Variants in SARDH observed in about 807,000 individuals in gnomAD.
The protein encoded by SARDH is sarcosine dehydrogenase.
Under a neutral mutation model 109.1 loss-of-function variants are expected in SARDH, and 95 were observed. The observed-to-expected ratio is 0.87, with a 90% CI of 0.74 to 1.03. The LOEUF is 1.03. Ranked by LOEUF, SARDH falls within the 50% of genes least tolerant of loss-of-function variation. The pLI, the probability that SARDH is intolerant of heterozygous loss-of-function variation, is 0.00. For missense variants in SARDH, 1,267 were observed against 1,287.8 expected (o/e 0.98, Z 0.25); for synonymous variants, 572 against 534.8 (o/e 1.07, Z -0.96).
intron 13 of SARDH, among the ~76,000 whole-genome samples, chr9:133,698,009 T>TAAAAAAAAAA (rs371381068): frequency 1.0e-5 from 1 of 95,710 alleles, no homozygotes; most frequent in African/African-American, 4.0e-5. Context: ...AGGAATCCAC[T>TAAAAAAAAAA]AAAAAAAAAA....
chr9:133,733,386 A>C (rs1307743927), intron 2 of SARDH, among the ~76,000 whole-genome samples: 3 of 152,218 alleles, frequency 2.0e-5, no homozygotes, highest in African/African-American at 7.2e-5. Context: ...TGGGACATGC[A>C]CACCATAGGT....
chr9:133,732,099 G>A (rs1309812693), intron 3 of SARDH, among the ~76,000 whole-genome samples: 1 of 152,182 alleles, frequency 6.6e-6, no homozygotes, highest in Non-Finnish European at 1.5e-5. Context: ...CAGCCAGCAA[G>A]GGGCAGCGCA....
Position 133,702,927 on chromosome 9 carries a change from G to T in SARDH, c.1657C>A (p.His553Asn), listed in dbSNP as rs757405410. The T allele has an allele frequency of 1.9e-6, 3 of 1,612,128 alleles. No individual in the cohort carries two copies. The South Asian group carries it at 3.3e-5, about 18-fold the overall frequency. ...CCCCAGCTACGCACCGTGTCGTGGTGGGGCGGGAAGGCGAAGGTGTACTCG... is the reference window on the plus strand; with the variant it reads ...CCCCAGCTACGCACCGTGTCGTGGTTGGGCGGGAAGGCGAAGGTGTACTCG... ...ADEYTFAFPP[H>N]HDTIKKECLA... The change falls in exon 13 of 21, where the codon CAC (histidine) becomes AAC (asparagine). Residue 553 changes from histidine (H) to asparagine (N), a missense_variant. His to Asn is a moderately conservative substitution (Grantham distance 68). Transcript: ENST00000439388.
At position 133,712,913 on chromosome 9, in the gene SARDH, TC is replaced by T; in HGVS notation, c.1237+124del. The stretch of plus-strand genomic sequence containing the variant: ...CTCTGGGAAGCAGAAGGGGCTGGAC[TC>T]CCCAGCCTCTCCTGTCCCCACCACT... On this transcript the variant is annotated intron_variant, in intron 9 of 20. Coordinates refer to ENST00000439388, the MANE Select transcript of SARDH (RefSeq NM_001134707.2). This position sits in a 1 kb window ranked among gnomAD's most constrained non-coding sequence, Gnocchi z 4.1. 1 of 1,047,088 alleles carries T rather than the reference TC, an allele frequency of 9.6e-7. No homozygotes were observed. 64.9% of individuals were successfully genotyped at this position (1,047,088 alleles called of 1,614,324 possible).
chr9:133,679,122 C>T (rs1830609633), intron 17 of SARDH, among the ~76,000 whole-genome samples: 1 of 152,222 alleles, frequency 6.6e-6, no homozygotes, highest in Non-Finnish European at 1.5e-5. Context: ...GGGGCCCAGG[C>T]CCTTCACACT....
At position 133,692,792 on chromosome 9, in the gene SARDH, T is replaced by C. The variant is rs901772353; in HGVS notation, c.1921+1466A>G. 2.0e-5 allele frequency among the ~76,000 whole-genome samples: 3 copies of C among 152,088 alleles called. No individual in the cohort carries two copies. The highest frequency in any genetic ancestry group is 2.9e-5 in the Non-Finnish European group (2 of 68,012). On this transcript the variant is annotated intron_variant, in intron 15 of 20. Coordinates refer to ENST00000439388, the MANE Select transcript of SARDH (RefSeq NM_001134707.2). This position sits in a 1 kb window ranked among gnomAD's most constrained non-coding sequence, Gnocchi z 5.0. ...TGAGGGAACGAGCGAAGGAACGAGC[T>C]CATGGATCCATGAGGCACGAGCGCT...
At chr9:133,705,958 G>A (rs558223999) in intron 11 of SARDH, among the ~76,000 whole-genome samples, 1 of 152,276 alleles carries the variant, frequency 6.6e-6, no homozygotes, top group Non-Finnish European at 1.5e-5. Flanking sequence ...CCCTCTCCAG[G>A]AACCCATCGT....
chr9:133,727,256 T>C (rs192058672), intron 6 of SARDH, among the ~76,000 whole-genome samples: 56 of 152,312 alleles, frequency 3.7e-4, no homozygotes, highest in African/African-American at 1.1e-3. Context: ...AGGGAGGTCC[T>C]TGGGGCCACA....
rs1490430320 is a variant in SARDH, at chr9:133,666,699, G to T, written c.2631+36C>A. 2 of 1,564,014 alleles carry T rather than the reference G, an allele frequency of 1.3e-6. No individual in the cohort carries two copies. Among genetic ancestry groups the T allele is most frequent in the Non-Finnish European group, 8.7e-7 (1 of 1,154,530 alleles). ...CTGGTTTGGAGCTGGTGAGGGATCG[G>T]CATCTGCCTTAGCAGGGCCAGAGAA... On this transcript the variant is annotated intron_variant, in intron 20 of 20. Coordinates refer to ENST00000439388, the MANE Select transcript of SARDH (RefSeq NM_001134707.2). The surrounding 1 kb of genome is among the most constrained non-coding windows in gnomAD (Gnocchi z 5.2).
At chr9:133,684,971 G>A (rs1452986859) in intron 17 of SARDH, among the ~76,000 whole-genome samples, 3 of 152,220 alleles carry the variant, frequency 2.0e-5, no homozygotes, top group African/African-American at 4.8e-5. Flanking sequence ...GCACCGAGGA[G>A]GGATGGAAGA....
downstream of SARDH, among the ~76,000 whole-genome samples, chr9:133,659,654 T>C (rs1302657121): frequency 6.6e-6 from 1 of 152,198 alleles, no homozygotes; most frequent in African/African-American, 2.4e-5. Flanking sequence ...CGGCTGCTGC[T>C]TCTGCAAGGC....
At chr9:133,688,528 C>T (rs1345443685) in intron 16 of SARDH, among the ~76,000 whole-genome samples, 1 of 152,126 alleles carries the variant, frequency 6.6e-6, no homozygotes, top group East Asian at 1.9e-4. Context: ...CCCGCTGACC[C>T]AACAGCAGAG....
At chr9:133,663,339 G>T (rs1829946922), downstream of SARDH, among the ~76,000 whole-genome samples, 1 of 152,250 alleles carries the variant, frequency 6.6e-6, no homozygotes, top group African/African-American at 2.4e-5. Flanking sequence ...AAGGTAAGAA[G>T]AGCTTTCCAG....
intron 17 of SARDH, among the ~76,000 whole-genome samples, chr9:133,675,826 C>G (rs1830492693): frequency 6.6e-6 from 1 of 152,222 alleles, no homozygotes; most frequent in Non-Finnish European, 1.5e-5. Context: ...CATAGTGGCT[C>G]ACACCTGTAA....
chr9:133,697,803 A>G (rs964469652), intron 13 of SARDH, among the ~76,000 whole-genome samples: 1 of 152,204 alleles, frequency 6.6e-6, no homozygotes, highest in Non-Finnish European at 1.5e-5. Context: ...ATCACATTGC[A>G]AACATTATAC....
chr9:133,710,580 G>A (rs776925458), intron 10 of SARDH, among the ~76,000 whole-genome samples: 5 of 152,212 alleles, frequency 3.3e-5, no homozygotes, highest in African/African-American at 1.2e-4. Flanking sequence ...TCTCTGAGCA[G>A]GGGAGAGCTC....
At chr9:133,676,665 G>C (rs933220721) in intron 17 of SARDH, among the ~76,000 whole-genome samples, 6 of 152,230 alleles carry the variant, frequency 3.9e-5, no homozygotes, top group African/African-American at 1.4e-4. Flanking sequence ...ACAGGAAGCT[G>C]CAGTCTGCGT....
At chr9:133,719,311 A>C (rs1832239688) in intron 6 of SARDH, among the ~76,000 whole-genome samples, 1 of 152,192 alleles carries the variant, frequency 6.6e-6, no homozygotes, top group Non-Finnish European at 1.5e-5. Flanking sequence ...GGAAGAGAGC[A>C]AGGGAGGAAG....
chr9:133,734,420 T>TTCACTCATTCACTCATTCACTCATTCAC (rs1285790471), intron 1 of SARDH, among the ~76,000 whole-genome samples: 2 of 64,190 alleles, frequency 3.1e-5, no homozygotes, highest in African/African-American at 6.7e-5. Context: ...CATTCATTCA[T>TTCACTCATTCACTCATTCACTCATTCAC]TCATTCACTC....
Sources: gnomAD v4.1 joint callset for allele counts (sites outside exome capture counted in the v4.1 genomes callset) on GRCh38, gnomAD v4.1.1 for gene constraint, Gnocchi (gnomAD v3.1) non-coding constraint, MANE v1.5 for transcripts, NCBI Gene and HGNC (gene_info 2026-07-23, HGNC 2026-07-21) for gene names.